EIF4G1: variants seen among roughly 807,000 people sequenced by gnomAD.
EIF4G1 encodes eukaryotic translation initiation factor 4 gamma 1, also known as EIF4-gamma.
In EIF4G1, 4 loss-of-function variants were observed where a neutral mutation model predicts 187.8. That is an observed-to-expected ratio of 0.02 (90% confidence interval 0.01 to 0.05). EIF4G1 has a LOEUF of 0.05. EIF4G1 is among the 10% of genes least tolerant of loss of function. EIF4G1 has a pLI of 1.00. For missense variants in EIF4G1, 1,647 were observed against 2,081.1 expected (o/e 0.79, Z 4.06); for synonymous variants, 844 against 781.4 (o/e 1.08, Z -1.34).
rs1248435405 is a variant in EIF4G1, at chr3:184,328,281, A to G, written c.3953+279A>G. 8.4e-5 allele frequency: 41 copies of G among 485,976 alleles called. No homozygotes were observed. In the East Asian group the frequency reaches 1.6e-3, roughly 19 times the overall value. The allele number at this position is 485,976 out of a possible 1,614,324, so 30.1% of individuals were successfully genotyped here. A position where few individuals can be genotyped will look rare whatever the true frequency, so the allele number is the denominator to read the frequency against. The stretch of plus-strand genomic sequence containing the variant: ...GCGTGGTGGCACAGTAATCCCAGCT[A>G]CTCGGAGGCTGAGGCAGGAGAACTG... On this transcript the variant is annotated intron_variant, in intron 26 of 32. Coordinates refer to ENST00000346169, the MANE Select transcript of EIF4G1 (RefSeq NM_198241.3).
chr3:184,323,354 A>G lies in EIF4G1; in HGVS notation c.2089-54A>G, dbSNP rs1272190334. On this transcript the variant is annotated intron_variant, in intron 14 of 32. Transcript: ENST00000346169. The surrounding 1 kb of genome is among the most constrained non-coding windows in gnomAD (Gnocchi z 6.9). ...TGGAGGCGTGTAGTAGTGGTGTCAC[A>G]TATTGTGCTGACTAGTTCCATGTCC... 1.8e-5 allele frequency: 29 copies of G among 1,612,868 alleles called. No individual in the cohort carries two copies. The highest frequency in any genetic ancestry group is 2.2e-5 in the South Asian group (2 of 91,018).
Position 184,316,149 on chromosome 3 carries a change from G to A in EIF4G1, c.78G>A (p.Gly26=). 6.2e-7 allele frequency: 1 copy of A among 1,614,134 alleles called. No individual in the cohort carries two copies. Among genetic ancestry groups the A allele is most frequent in the Non-Finnish European group, 8.5e-7 (1 of 1,180,028 alleles). Residue 26 remains glycine (G), a synonymous_variant, in exon 4 of 33, where the codon GGG becomes GGA. Coordinates refer to ENST00000346169, the MANE Select transcript of EIF4G1 (RefSeq NM_198241.3). The part of the protein sequence containing the change: ...PGLPQPAFPP[G]QTAPVVFSTP... ...CTCTTCAGCCAGCGTTTCCCCCGGG[G>A]CAGACAGCGCCGGTGGTGTTCAGTA...
rs767614422 is a variant in EIF4G1 at position 184,331,802 on chromosome 3, A to C, written c.4470A>C (p.Ala1490=). 3 of 1,614,096 alleles carry C rather than the reference A, an allele frequency of 1.9e-6. No individual in the cohort carries two copies. Among genetic ancestry groups the C allele is most frequent in the Non-Finnish European group, 2.5e-6 (3 of 1,180,020 alleles). The change falls in exon 31 of 33, where the codon GCA becomes GCC. Residue 1490 remains alanine, a synonymous_variant. Transcript: ENST00000346169. The part of the protein sequence containing the change: ...RALMTAVCYS[A]IIFETPLRVD... ...TCATGACGGCTGTCTGCTATTCTGC[A>C]ATTATTTGTAAGAGGAACCAGGGAG... is the stretch of plus-strand genomic sequence containing the variant.
At position 184,315,828 on chromosome 3, in the gene EIF4G1, C is replaced by CCCCCCCCCCCAA; in HGVS notation, c.32_33insCCCCCCCCCCAA (p.Pro12_Ala13insProProLysPro). 6.5e-7 allele frequency: 1 copy of CCCCCCCCCCCAA among 1,550,278 alleles called. No individual in the cohort carries two copies. Among genetic ancestry groups the CCCCCCCCCCCAA allele is most frequent in the Non-Finnish European group, 8.7e-7 (1 of 1,145,876 alleles). The stretch of plus-strand genomic sequence containing the variant: ...AAAGCTCCACAGTCCACAGGCCCCC[C>CCCCCCCCCCCAA]ACCCGCCCCATCCCCCGGACTCCCA... On this transcript the variant is annotated inframe_insertion, in exon 3 of 33. Coordinates refer to ENST00000346169, the MANE Select transcript of EIF4G1 (RefSeq NM_198241.3).
At chr3:184,317,050 G>T (rs1266054457) in intron 4 of EIF4G1, among the ~76,000 whole-genome samples, 1 of 152,202 alleles carries the variant, frequency 6.6e-6, no homozygotes, top group Admixed American at 6.5e-5. Context: ...CTGCAGAGGG[G>T]TAGTTTGGTA....
At position 184,324,976 on chromosome 3, in the gene EIF4G1, C is replaced by T; in HGVS notation, c.2718C>T (p.Phe906=). 1 of 1,614,222 alleles carries T rather than the reference C, an allele frequency of 6.2e-7. No individual in the cohort carries two copies. Among genetic ancestry groups the T allele is most frequent in the Non-Finnish European group, 8.5e-7 (1 of 1,180,058 alleles). Residue 906 remains phenylalanine (F), a synonymous_variant, in exon 18 of 33, where the codon TTC becomes TTT. Transcript: ENST00000346169. The part of the protein sequence containing the change: ...LGNIKFIGEL[F]KLKMLTEAIM... ...ATATCAAGTTTATTGGAGAGTTGTT[C>T]AAACTGAAGATGTTAACAGAGGCAA...
At position 184,327,587 on chromosome 3, in the gene EIF4G1, G is replaced by C. The variant is rs201420682; in HGVS notation, c.3663G>C (p.Val1221=). Residue 1221 remains valine (V), a splice_region_variant and synonymous_variant, in exon 25 of 33, where the codon GTG becomes GTC. Transcript: ENST00000346169. Reference sequence around the variant, plus strand: ...CTAATCTGTGTTCTCTTCCCACAGTGAAGCGAGAAGCTGCCCTACCCCCAG... The same window carrying C: ...CTAATCTGTGTTCTCTTCCCACAGTCAAGCGAGAAGCTGCCCTACCCCCAG... ...TEDRDRGRDA[V]KREAALPPVS... is the part of the protein sequence containing the mutation. 3.7e-6 allele frequency: 6 copies of C among 1,614,080 alleles called. No individual in the cohort carries two copies. In the East Asian group the frequency reaches 1.3e-4, roughly 36 times the overall value.
Position 184,327,260 on chromosome 3 carries a change from G to A in EIF4G1, c.3473G>A (p.Gly1158Glu). The part of the protein sequence containing the change: ...RERGEKAGDR[G>E]DRLERSERGG... ...CGAGGCGAGAAAGCTGGAGACCGAG[G>A]AGACCGCCTAGAGCGGAGTGAACGG... is the stretch of plus-strand genomic sequence containing the variant. The change falls in exon 24 of 33, where the codon GGA (glycine) becomes GAA (glutamate). Residue 1158 changes from glycine (G) to glutamate (E), a missense_variant. By Grantham distance (98) the Gly-to-Glu change is moderately conservative (BLOSUM62 -2). This residue lies in a region of EIF4G1 where 543 missense variants were observed against 638.0 expected (regional missense o/e 0.85). Coordinates refer to ENST00000346169, the MANE Select transcript of EIF4G1 (RefSeq NM_198241.3). 7 of 1,613,432 alleles carry A rather than the reference G, an allele frequency of 4.3e-6. No homozygotes were observed. The highest frequency in any genetic ancestry group is 5.9e-6 in the Non-Finnish European group (7 of 1,180,050).
In EIF4G1 at chr3:184,315,471, C is replaced by T. The variant is rs1223903437; in HGVS notation, c.-91-18C>T. ...GGCCCCGCGGAGCCAGGTTGATACC[C>T]TCACCTCCCAACCCCAGGCCCTCGG... On this transcript the variant is annotated intron_variant, in intron 1 of 32. Transcript: ENST00000346169. The T allele has an allele frequency of 6.4e-6, 4 of 622,418 alleles. No individual in the cohort carries two copies. The highest frequency in any genetic ancestry group is 3.6e-5 in the East Asian group (1 of 27,570). The allele number at this position is 622,418 out of a possible 1,614,324, so 38.6% of individuals were successfully genotyped here. A position where few individuals can be genotyped will look rare whatever the true frequency, so the allele number is the denominator to read the frequency against.
intron 17 of EIF4G1, 90 bp downstream of exon 17, chr3:184,324,437 A>AGT: frequency 1.3e-6 from 2 of 1,588,384 alleles, no homozygotes; most frequent in Non-Finnish European, 1.7e-6. Context: ...GAATGGAGGT[A>AGT]GTGGTGTCTT....
At position 184,315,508 on chromosome 3, in the gene EIF4G1, C is replaced by T. The variant is rs200584073; in HGVS notation, c.-72C>T. 1.6e-5 allele frequency: 11 copies of T among 694,446 alleles called. No individual in the cohort carries two copies. The highest frequency in any genetic ancestry group is 7.0e-5 in the African/African-American group (4 of 57,466). The allele number at this position is 694,446 out of a possible 1,614,324, so 43.0% of individuals were successfully genotyped here. A position where few individuals can be genotyped will look rare whatever the true frequency, so the allele number is the denominator to read the frequency against. On this transcript the variant is annotated 5_prime_UTR_variant, in exon 2 of 33. Transcript: ENST00000346169. ...CCCCAGGCCCTCGGATGCCCAGAACCTGTAGGCCGCACCGTGGACTTGTTC... is the reference window on the plus strand; with the variant it reads ...CCCCAGGCCCTCGGATGCCCAGAACTTGTAGGCCGCACCGTGGACTTGTTC...
At position 184,328,899 on chromosome 3, in the gene EIF4G1, C is replaced by T. The variant is rs1416491208; in HGVS notation, c.4080-10C>T. On this transcript the variant is annotated splice_polypyrimidine_tract_variant and intron_variant, in intron 27 of 32. Transcript: ENST00000346169. ...GAGGCTGTCAGCATTAGGTTTTTCT[C>T]TTCTTGTAGGGAGATTACAAAGCCT... is the stretch of plus-strand genomic sequence containing the variant. 5 of 1,614,120 alleles carry T rather than the reference C, an allele frequency of 3.1e-6. No individual in the cohort carries two copies. Among genetic ancestry groups the T allele is most frequent in the Non-Finnish European group, 4.2e-6 (5 of 1,180,018 alleles).
chr3:184,319,619 T>G, intron 6 of EIF4G1, 70 bp from the exon 7 acceptor site: 1 of 1,041,998 alleles, frequency 9.6e-7, no homozygotes, highest in South Asian at 1.4e-5. Flanking sequence ...GTGGGAGGTG[T>G]CAGGCAGGCA....
Position 184,328,447 on chromosome 3 carries a change from AG to A in EIF4G1, c.3954-179del, listed in dbSNP as rs1251979749. On this transcript the variant is annotated intron_variant, in intron 26 of 32. Coordinates refer to ENST00000346169, the MANE Select transcript of EIF4G1 (RefSeq NM_198241.3). Reference sequence around the variant, plus strand: ...TGACCATCCTGGTCAGCATAACTTTAGGGGGTTAAGCGGGGTGAAAACCATC... The same window carrying A: ...TGACCATCCTGGTCAGCATAACTTTAGGGGTTAAGCGGGGTGAAAACCATC... The A allele has an allele frequency of 4.7e-5, 39 of 835,526 alleles. No individual in the cohort carries two copies. In the African/African-American group the frequency reaches 6.4e-4, roughly 14 times the overall value. 51.8% of individuals were successfully genotyped at this position (835,526 alleles called of 1,614,324 possible).
intron 4 of EIF4G1, chr3:184,316,655 T>TC (rs1019705010): frequency 5.9e-6 from 9 of 1,516,448 alleles, no homozygotes; most frequent in African/African-American, 4.2e-5. Flanking sequence ...CTTCATTCCC[T>TC]CCCCCCGCCA....
In EIF4G1 at chr3:184,331,138, A is replaced by G. The variant is rs145323941; in HGVS notation, c.4162-128A>G. 447 of 992,342 alleles carry G rather than the reference A, an allele frequency of 4.5e-4. 2 individuals carry two copies. In the African/African-American group the frequency reaches 6.4e-3, roughly 14 times the overall value. 61.5% of individuals were successfully genotyped at this position (992,342 alleles called of 1,614,324 possible). ...GGGCTTTGCCTATTAGTATTTCTAT[A>G]GCATCCTTAATGCCTAGCAAGTACC... On this transcript the variant is annotated intron_variant, in intron 28 of 32. Transcript: ENST00000346169.
chr3:184,328,736 G>A lies in EIF4G1; in HGVS notation c.4059G>A (p.Val1353=), dbSNP rs1201646432. 10 of 1,614,072 alleles carry A rather than the reference G, an allele frequency of 6.2e-6. No homozygotes were observed. Among genetic ancestry groups the A allele is most frequent in the Admixed American group, 1.7e-5 (1 of 60,004 alleles). Reference sequence around the variant, plus strand: ...CACCCATTCTGCAGGAAGGTGGGGTGCCCATGGGGGAGCTGTTCAGGTAAG... The same window carrying A: ...CACCCATTCTGCAGGAAGGTGGGGTACCCATGGGGGAGCTGTTCAGGTAAG... ...LVTPILQEGG[V]PMGELFREIT... is the part of the protein sequence containing the mutation. The change falls in exon 27 of 33, where the codon GTG becomes GTA. Residue 1353 remains valine, a synonymous_variant. Coordinates refer to ENST00000346169, the MANE Select transcript of EIF4G1 (RefSeq NM_198241.3).
rs111290936 is a variant in EIF4G1, at chr3:184,322,089, C to T, written c.1505C>T (p.Ala502Val). Residue 502 changes from alanine (A) to valine (V), a missense_variant, in exon 10 of 33, where the codon GCA (alanine) becomes GTA (valine). By Grantham distance (64) the Ala-to-Val change is moderately conservative. This residue lies in a region of EIF4G1 where 522 missense variants were observed against 485.2 expected (regional missense o/e 1.08). Coordinates refer to ENST00000346169, the MANE Select transcript of EIF4G1 (RefSeq NM_198241.3). ...AACTTGTCTCAGAATTTGGAGGCAG[C>T]AGCAGCCACTCAAGGTAAGGTGTGG... Reference protein sequence around the residue: ...PANLSQNLEAAAATQVAVSVP... With the variant: ...PANLSQNLEAVAATQVAVSVP... The T allele has an allele frequency of 8.9e-5, 144 of 1,613,778 alleles. No individual in the cohort carries two copies. The highest frequency in any genetic ancestry group is 1.2e-4 in the Non-Finnish European group (136 of 1,180,046).
At position 184,328,978 on chromosome 3, in the gene EIF4G1, G is replaced by A. The variant is rs550262565; in HGVS notation, c.4149G>A (p.Leu1383=). The A allele has an allele frequency of 7.1e-5, 115 of 1,614,192 alleles. 1 individual carries two copies. In the South Asian group the frequency reaches 1.2e-3, roughly 17 times the overall value. ...TGTTGCTGGAGATCCTGGGCCTCCT[G>A]TGCAAAAGCATGGTGAGTGAGGGCC... The part of the protein sequence containing the change: ...ASLLLEILGL[L]CKSMGPKKVG... Residue 1383 remains leucine (L), a synonymous_variant, in exon 28 of 33, where the codon CTG becomes CTA. Coordinates refer to ENST00000346169, the MANE Select transcript of EIF4G1 (RefSeq NM_198241.3).
Sources: gnomAD v4.1 joint callset for allele counts (sites outside exome capture counted in the v4.1 genomes callset) on GRCh38, gnomAD v4.1.1 for gene constraint, gnomAD v4.1.1 regional missense constraint, Gnocchi (gnomAD v3.1) non-coding constraint, MANE v1.5 for transcripts, NCBI Gene and HGNC (gene_info 2026-07-23, HGNC 2026-07-21) for gene names.